IFT122: variants seen among roughly 807,000 people sequenced by gnomAD.
The protein encoded by IFT122 is intraflagellar transport 122.
Under a neutral mutation model 161.6 loss-of-function variants are expected in IFT122, and 118 were observed. The ratio of observed to expected loss-of-function variants is 0.73; its 90% CI spans 0.63 to 0.85. IFT122 has a LOEUF of 0.85. Ranked by LOEUF, IFT122 falls within the 40% of genes least tolerant of loss-of-function variation. The probability of loss-of-function intolerance (pLI) is 0.00; values close to 1 mark genes in which losing one functional copy is unlikely to be tolerated. For synonymous variants in IFT122, 550 were observed against 602.4 expected (o/e 0.91, Z 1.27); for missense variants, 1,381 against 1,579.6 (o/e 0.87, Z 2.13).
At chr3:129,489,423 G>A (rs2108417664) in intron 16 of IFT122, among the ~76,000 whole-genome samples, 1 of 152,294 alleles carries the variant, frequency 6.6e-6, no homozygotes, top group South Asian at 2.1e-4. Flanking sequence ...TTTAAATCAG[G>A]GATGGTTGTG....
chr3:129,501,130 G>T (rs1409425316), intron 19 of IFT122, among the ~76,000 whole-genome samples: 1 of 152,054 alleles, frequency 6.6e-6, no homozygotes, highest in Admixed American at 6.5e-5. Context: ...TTCAGCCTTG[G>T]GACTCAGCAC....
chr3:129,506,537 G>C lies in IFT122; in HGVS notation c.2779G>C (p.Asp927His). The C allele has an allele frequency of 6.2e-7, 1 of 1,614,164 alleles. No homozygotes were observed. Among genetic ancestry groups the C allele is most frequent in the Non-Finnish European group, 8.5e-7 (1 of 1,180,036 alleles). The change falls in exon 22 of 30, where the codon GAT becomes CAT. Residue 927 changes from aspartate (D) to histidine (H), a missense_variant. Physicochemically the swap from Asp to His is moderately conservative, Grantham distance 81 (BLOSUM62 -1). Around this residue, in one of 7 missense-constraint regions of IFT122, gnomAD observed 496 missense variants for 502.5 expected, o/e 0.99. Transcript: ENST00000348417. ...CTGGATGCTGTCCATGCAGTGCCTC[G>C]ATATAGCTCAAGGTGTGTAAACATC... The part of the protein sequence containing the change: ...YYWMLSMQCL[D>H]IAQDPAQKDT...
chr3:129,451,634 A>T (rs2074863570), intron 2 of IFT122, among the ~76,000 whole-genome samples: 2 of 152,178 alleles, frequency 1.3e-5, no homozygotes, highest in East Asian at 1.9e-4. Context: ...TCAGGTAAGG[A>T]TGAGTATAAA....
chr3:129,510,011 C>T (rs775858659), intron 23 of IFT122, among the ~76,000 whole-genome samples: 14 of 152,332 alleles, frequency 9.2e-5, no homozygotes, highest in Non-Finnish European at 1.8e-4. Flanking sequence ...ACTGCTGCTC[C>T]AGGCAAGGCT....
chr3:129,457,584 A>C (rs1200430110), intron 3 of IFT122, among the ~76,000 whole-genome samples: 1 of 152,168 alleles, frequency 6.6e-6, no homozygotes, highest in Non-Finnish European at 1.5e-5. Flanking sequence ...CCTTAGAGAA[A>C]TGTTCCCTCA....
intron 4 of IFT122, 54 bp from the exon 5 acceptor site, chr3:129,461,165 AGTTGTAGCC>A: frequency 7.5e-7 from 1 of 1,330,682 alleles, no homozygotes; most frequent in Non-Finnish European, 1.1e-6. Flanking sequence ...TAAAATCTTC[AGTTGTAGCC>A]ACTGAAATCT....
chr3:129,443,373 C>G (rs1032678721), intron 1 of IFT122, among the ~76,000 whole-genome samples: 5 of 152,170 alleles, frequency 3.3e-5, no homozygotes, highest in African/African-American at 1.2e-4. Flanking sequence ...GACAGTGTAT[C>G]TCTTTTATAA....
intron 4 of IFT122, among the ~76,000 whole-genome samples, chr3:129,459,102 A>G (rs542009978): frequency 4.6e-5 from 7 of 152,206 alleles, no homozygotes; most frequent in African/African-American, 1.7e-4. Flanking sequence ...GTTGGTCCCT[A>G]TTTACCCTGC....
Position 129,508,087 on chromosome 3 carries a change from T to C in IFT122, c.2886+325T>C, listed in dbSNP as rs574780336. ...AGTTCCATGAGGCCCTCTCCTTCAG[T>C]AGGGCGAAGGCCCAGATTAACCAAA... On this transcript the variant is annotated intron_variant, in intron 23 of 29. Coordinates refer to ENST00000348417, the MANE Select transcript of IFT122 (RefSeq NM_052989.3). 3.3e-5 allele frequency among the ~76,000 whole-genome samples: 5 copies of C among 152,328 alleles called. No individual in the cohort carries two copies. In the South Asian group the frequency reaches 6.2e-4, roughly 19 times the overall value.
At chr3:129,492,109 A>G (rs1295131976) in intron 16 of IFT122, 32 bp from the exon 17 acceptor site, 3 of 1,573,570 alleles carry the variant, frequency 1.9e-6, no homozygotes, top group Non-Finnish European at 2.6e-6. Context: ...CCAAGAAGAC[A>G]GCTTATTTTA....
chr3:129,507,606 G>A (rs2082318109), intron 22 of IFT122, 62 bp from the exon 23 acceptor site: 8 of 1,315,776 alleles, frequency 6.1e-6, no homozygotes, highest in Non-Finnish European at 8.8e-6. Context: ...TCCTCCTGGG[G>A]CCAGTTGGCA....
chr3:129,440,440 G>C (rs568287377), intron 1 of IFT122, 69 bp downstream of exon 1: 502 of 1,528,202 alleles, frequency 3.3e-4, no homozygotes, highest in Non-Finnish European at 2.8e-4. Flanking sequence ...AGCCGCTGCA[G>C]CGTGTTTGAG....
chr3:129,450,560 A>G (rs2074651102), intron 2 of IFT122, among the ~76,000 whole-genome samples: 1 of 152,188 alleles, frequency 6.6e-6, no homozygotes, highest in African/African-American at 2.4e-5. Flanking sequence ...GGTTAACTAC[A>G]TAATCTTAAA....
chr3:129,478,297 GT>G, intron 12 of IFT122, 79 bp downstream of exon 12: 1 of 1,202,910 alleles, frequency 8.3e-7, no homozygotes, highest in Non-Finnish European at 1.2e-6. Context: ...CCACCTCATG[GT>G]TTTAAAACTG....
At chr3:129,478,329 T>C in intron 12 of IFT122, 111 bp downstream of exon 12, 1 of 880,800 alleles carries the variant, frequency 1.1e-6, no homozygotes, top group Non-Finnish European at 1.8e-6. Context: ...AACAAGTCTG[T>C]TCCATCAAAC....
At chr3:129,511,844 T>C (rs1041837976) in intron 23 of IFT122, among the ~76,000 whole-genome samples, 7 of 152,244 alleles carry the variant, frequency 4.6e-5, no homozygotes, top group Non-Finnish European at 7.3e-5. Context: ...TAAATGCCTC[T>C]GTTGAAAGAC....
At chr3:129,492,287 A>G (rs1292198711) in intron 17 of IFT122, 93 bp downstream of exon 17, 15 of 1,008,148 alleles carry the variant, frequency 1.5e-5, no homozygotes, top group Non-Finnish European at 2.1e-5. Context: ...CCTTGAGGAC[A>G]TGGGAACAGA....
chr3:129,516,050 GCACA>G (rs779862475), intron 26 of IFT122, among the ~76,000 whole-genome samples: 9 of 125,544 alleles, frequency 7.2e-5, no homozygotes, highest in African/African-American at 2.5e-4. Flanking sequence ...AACTGCCCCT[GCACA>G]CACACACACA....
rs2082334808 is a variant in IFT122, at chr3:129,507,773, T to TG, written c.2886+14dup. On this transcript the variant is annotated intron_variant, in intron 23 of 29. Transcript: ENST00000348417. ...ATCCATCGCCACACGGTAAGGTGGC[T>TG]GGGTCACCAGCACCTGAGGGTACCA... 1 of 1,603,488 alleles carries TG rather than the reference T, an allele frequency of 6.2e-7. No individual in the cohort carries two copies.
Sources: gnomAD v4.1 joint callset for allele counts (sites outside exome capture counted in the v4.1 genomes callset) on GRCh38, gnomAD v4.1.1 for gene constraint, gnomAD v4.1.1 regional missense constraint, MANE v1.5 for transcripts, NCBI Gene and HGNC (gene_info 2026-07-23, HGNC 2026-07-21) for gene names.